The following NME7 variants were observed in gnomAD, a reference collection of about 807,000 sequenced individuals.
The protein encoded by NME7 is NME/NM23 family member 7.
A neutral mutation model predicts 49.1 loss-of-function variants in NME7; 41 were observed. The ratio of observed to expected loss-of-function variants is 0.83; its 90% CI spans 0.65 to 1.08. NME7 has a LOEUF of 1.08. NME7 is among the 50% of genes least tolerant of loss of function. The probability of loss-of-function intolerance (pLI) is 0.00; values close to 1 mark genes in which losing one functional copy is unlikely to be tolerated. For synonymous variants in NME7, 139 were observed against 150.6 expected (o/e 0.92, Z 0.56); for missense variants, 423 against 463.4 (o/e 0.91, Z 0.80).
chr1:169,185,786 T>C (rs1660048278), intron 10 of NME7, among the ~76,000 whole-genome samples: 1 of 152,174 alleles, frequency 6.6e-6, no homozygotes, highest in Non-Finnish European at 1.5e-5. Context: ...AAGTACATAA[T>C]AGGTGTCGAA....
intron 10 of NME7, among the ~76,000 whole-genome samples, chr1:169,181,364 T>TACACACACACACAC (rs58453647): frequency 3.7e-4 from 34 of 91,570 alleles, no homozygotes; most frequent in African/African-American, 1.1e-3. Context: ...CTCAAATTCC[T>TACACACACACACAC]ACACACACAC....
Position 169,167,520 on chromosome 1 carries a change from G to A in NME7, c.1098+1927C>T, listed in dbSNP as rs192971585. Among the ~76,000 whole-genome samples, 64 of 151,902 alleles carry A rather than the reference G, an allele frequency of 4.2e-4. No individual in the cohort carries two copies. The East Asian group carries it at 0.011, about 27-fold the overall frequency. On this transcript the variant is annotated intron_variant, in intron 11 of 11. Coordinates refer to ENST00000367811, the MANE Select transcript of NME7 (RefSeq NM_013330.5). Reference sequence around the variant, plus strand: ...ACAAAAATTTTAAAATCTATAAGAAGTTAAAAAAATAAAATATTTATTTAC... The same window carrying A: ...ACAAAAATTTTAAAATCTATAAGAAATTAAAAAAATAAAATATTTATTTAC...
At chr1:169,329,557 T>C (rs939905299) in intron 1 of NME7, among the ~76,000 whole-genome samples, 2 of 151,856 alleles carry the variant, frequency 1.3e-5, no homozygotes, top group Admixed American at 1.3e-4. Context: ...AAAAGCGTAC[T>C]GAAGAAGGCA....
rs557826993 is a variant in NME7 at position 169,288,810 on chromosome 1, T to C, written c.649-1402A>G. Among the ~76,000 whole-genome samples, 1,051 of 152,258 alleles carry C rather than the reference T, an allele frequency of 6.9e-3. 15 individuals are homozygous for C. Among genetic ancestry groups the C allele is most frequent in the African/African-American group, 0.024 (988 of 41,554 alleles). On this transcript the variant is annotated intron_variant, in intron 6 of 11. Transcript: ENST00000367811. ...CTACCCCTTTTAGTCCTATACCAGA[T>C]GCTTTGATTGCATGGTCCGAGAGAA...
At chr1:169,142,667 C>G (rs906845627) in intron 11 of NME7, among the ~76,000 whole-genome samples, 7 of 152,174 alleles carry the variant, frequency 4.6e-5, no homozygotes, top group African/African-American at 1.7e-4. Context: ...CATTTTCCTT[C>G]TTTGGGCAAC....
intron 9 of NME7, among the ~76,000 whole-genome samples, chr1:169,233,590 A>G (rs747406042): frequency 1.3e-5 from 2 of 152,206 alleles, no homozygotes; most frequent in Non-Finnish European, 2.9e-5. Context: ...CAGTCATCTC[A>G]GCTAATACAA....
chr1:169,209,192 T>A (rs1246246433), intron 10 of NME7, among the ~76,000 whole-genome samples: 1 of 152,088 alleles, frequency 6.6e-6, no homozygotes, highest in Non-Finnish European at 1.5e-5. Flanking sequence ...ACCTTTTTCA[T>A]CAAAGACTAG....
intron 4 of NME7, among the ~76,000 whole-genome samples, chr1:169,303,686 A>G (rs1571371996): frequency 6.6e-6 from 1 of 152,088 alleles, no homozygotes; most frequent in Non-Finnish European, 1.5e-5. Flanking sequence ...TCCTGACCTC[A>G]GGTGATCCAC....
intron 2 of NME7, 117 bp downstream of exon 2, chr1:169,324,276 G>GTA: frequency 1.7e-6 from 1 of 578,922 alleles, no homozygotes; most frequent in East Asian, 2.8e-5. Context: ...ATTTCCATAT[G>GTA]TATATATACA....
chr1:169,224,909 A>C (rs80273595), intron 10 of NME7, among the ~76,000 whole-genome samples: 9,434 of 152,286 alleles, frequency 0.062, 386 homozygotes, highest in East Asian at 0.12. Flanking sequence ...ATATAGGGTA[A>C]AATAAGGCCA....
chr1:169,267,436 A>T lies in NME7; in HGVS notation c.754+19867T>A, dbSNP rs1344697311. Among the ~76,000 whole-genome samples the T allele has an allele frequency of 1.5e-5, 2 of 134,014 alleles. 1 individual carries two copies. The highest frequency in any genetic ancestry group is 3.5e-5 in the Non-Finnish European group (2 of 57,042). 87.9% of individuals were successfully genotyped at this position (134,014 alleles called of 152,430 possible). On this transcript the variant is annotated intron_variant, in intron 7 of 11. Coordinates refer to ENST00000367811, the MANE Select transcript of NME7 (RefSeq NM_013330.5). ...AAAACTATTTTAATGTTCATATTGA[A>T]CCAAAAAAGAGCCTGAATTGCCAAG...
At chr1:169,351,696 T>C (rs1653178379) in intron 1 of NME7, among the ~76,000 whole-genome samples, 2 of 150,078 alleles carry the variant, frequency 1.3e-5, no homozygotes, top group Admixed American at 6.6e-5. Context: ...GTAAGAAAAA[T>C]AGACAGAAGG....
intron 3 of NME7, among the ~76,000 whole-genome samples, chr1:169,322,687 T>C (rs1389903042): frequency 6.6e-6 from 1 of 150,946 alleles, no homozygotes; most frequent in East Asian, 1.9e-4. Context: ...AATATATATA[T>C]ATATATCTGT....
chr1:169,178,820 C>CTTTTTTTTTTT (rs57619644), intron 10 of NME7, among the ~76,000 whole-genome samples: 2 of 124,336 alleles, frequency 1.6e-5, no homozygotes, highest in Non-Finnish European at 1.6e-5. Flanking sequence ...GAAACCTCTT[C>CTTTTTTTTTTT]TTTTTTTTTT....
chr1:169,177,605 A>C (rs1659790624), intron 10 of NME7, among the ~76,000 whole-genome samples: 1 of 152,054 alleles, frequency 6.6e-6, no homozygotes, highest in Non-Finnish European at 1.5e-5. Flanking sequence ...TGGCCAACAC[A>C]GCAAGACCCT....
chr1:169,255,815 G>A (rs1218133621), intron 7 of NME7, among the ~76,000 whole-genome samples: 47 of 128,268 alleles, frequency 3.7e-4, no homozygotes, highest in African/African-American at 1.2e-3. Context: ...TTTCTCCTTC[G>A]CTTATGAAGC....
At chr1:169,221,416 C>T (rs995788914) in intron 10 of NME7, among the ~76,000 whole-genome samples, 5 of 152,120 alleles carry the variant, frequency 3.3e-5, no homozygotes, top group African/African-American at 1.2e-4. Flanking sequence ...ACCTTATCTT[C>T]TACCTTGCTC....
chr1:169,311,118 G>T (rs1235721467), intron 3 of NME7, among the ~76,000 whole-genome samples: 1 of 151,968 alleles, frequency 6.6e-6, no homozygotes, highest in African/African-American at 2.4e-5. Flanking sequence ...CTTAGCTCAG[G>T]ATAAAATTCA....
In NME7 at chr1:169,247,883, C is replaced by T. The variant is rs142497646; in HGVS notation, c.755-10196G>A. 9.6e-3 allele frequency among the ~76,000 whole-genome samples: 1,456 copies of T among 152,108 alleles called. 26 individuals are homozygous for T. The highest frequency in any genetic ancestry group is 0.032 in the African/African-American group (1,338 of 41,506). On this transcript the variant is annotated intron_variant, in intron 7 of 11. Coordinates refer to ENST00000367811, the MANE Select transcript of NME7 (RefSeq NM_013330.5). ...ATCACATTTTCTTTATCCACTCATT[C>T]GTTAATGGACACTTAGATTGGTTCC...
Sources: allele counts gnomAD v4.1 joint callset (sites outside exome capture counted in the v4.1 genomes callset), GRCh38; gene constraint gnomAD v4.1.1; transcripts MANE v1.5; gene names NCBI Gene and HGNC (gene_info 2026-07-23, HGNC 2026-07-21).